CPNE4: variants seen among roughly 807,000 people sequenced by gnomAD.
The protein encoded by CPNE4 is copine-4.
In CPNE4, 25 loss-of-function variants were observed where a neutral mutation model predicts 67.9. The observed-to-expected ratio is 0.37, with a 90% confidence interval of 0.27 to 0.51. CPNE4 has a LOEUF of 0.51. Ranked by LOEUF, CPNE4 falls within the 20% of genes least tolerant of loss-of-function variation. CPNE4 has a pLI of 0.93. For synonymous variants in CPNE4, 242 were observed against 244.9 expected (o/e 0.99, Z 0.11); for missense variants, 464 against 690.8 (o/e 0.67, Z 3.68).
At chr3:131,984,863 C>G (rs1273426514) in intron 1 of CPNE4, among the ~76,000 whole-genome samples, 1 of 152,168 alleles carries the variant, frequency 6.6e-6, no homozygotes, top group Non-Finnish European at 1.5e-5. Flanking sequence ...AGATTAAGCT[C>G]CAATTACTCA....
intron 1 of CPNE4, among the ~76,000 whole-genome samples, chr3:132,010,922 C>T (rs1480379878): frequency 6.6e-6 from 1 of 152,142 alleles, no homozygotes; most frequent in Admixed American, 6.5e-5. Context: ...TCAAAGGCAC[C>T]CCAGTAGGGG....
At chr3:131,921,798 T>C (rs1286364390) in intron 1 of CPNE4, among the ~76,000 whole-genome samples, 1 of 152,126 alleles carries the variant, frequency 6.6e-6, no homozygotes, top group African/African-American at 2.4e-5. Flanking sequence ...AGATACATGA[T>C]GAATCGTCAA....
At chr3:131,895,929 A>G (rs534546253) in intron 2 of CPNE4, among the ~76,000 whole-genome samples, 1 of 152,074 alleles carries the variant, frequency 6.6e-6, no homozygotes, top group Admixed American at 6.6e-5. Flanking sequence ...TGGCTAAAAA[A>G]CTTATCTAAT....
chr3:131,737,483 A>G (rs4854621), intron 2 of CPNE4, among the ~76,000 whole-genome samples: 107,510 of 151,954 alleles, frequency 0.71, 38,811 homozygotes, highest in East Asian at 0.82. Context: ...TAGTGAGTGG[A>G]GTCAAATCTT....
intron 7 of CPNE4, among the ~76,000 whole-genome samples, chr3:131,634,849 T>C (rs1472528110): frequency 1.3e-5 from 2 of 152,194 alleles, no homozygotes; most frequent in African/African-American, 2.4e-5. Flanking sequence ...AATGGGGGGA[T>C]TCAGTGTCTT....
At chr3:131,644,648 A>G (rs2079619933) in intron 7 of CPNE4, among the ~76,000 whole-genome samples, 1 of 152,216 alleles carries the variant, frequency 6.6e-6, no homozygotes, top group Non-Finnish European at 1.5e-5. Flanking sequence ...AAGATCACAG[A>G]ATTAGGAATG....
At chr3:131,802,479 G>T (rs775084693) in intron 2 of CPNE4, among the ~76,000 whole-genome samples, 17 of 152,240 alleles carry the variant, frequency 1.1e-4, no homozygotes, top group South Asian at 6.2e-4. Flanking sequence ...TTGACAAATT[G>T]CCCAGCTGCA....
At chr3:131,709,203 A>T (rs565791865) in intron 3 of CPNE4, among the ~76,000 whole-genome samples, 1 of 151,858 alleles carries the variant, frequency 6.6e-6, no homozygotes, top group East Asian at 1.9e-4. Flanking sequence ...TTTTGCAATG[A>T]GCCTATATTA....
intron 1 of CPNE4, among the ~76,000 whole-genome samples, chr3:131,953,855 T>A (rs2071854435): frequency 6.6e-6 from 1 of 152,214 alleles, no homozygotes; most frequent in Non-Finnish European, 1.5e-5. Context: ...TAATTAACAA[T>A]CATTTCTCAT....
At chr3:131,584,660 T>C (rs574319675) in intron 8 of CPNE4, among the ~76,000 whole-genome samples, 1 of 152,284 alleles carries the variant, frequency 6.6e-6, no homozygotes, top group South Asian at 2.1e-4. Flanking sequence ...ATCATGTCAT[T>C]CTCTAGCTAG....
chr3:131,835,167 G>A (rs886312768), intron 2 of CPNE4, among the ~76,000 whole-genome samples: 4 of 152,158 alleles, frequency 2.6e-5, no homozygotes, highest in Non-Finnish European at 2.9e-5. Flanking sequence ...ATATATTTTT[G>A]TCTCATCTAT....
At chr3:131,944,223 C>CTT (rs57090639) in intron 1 of CPNE4, among the ~76,000 whole-genome samples, 42 of 148,778 alleles carry the variant, frequency 2.8e-4, no homozygotes, top group South Asian at 6.4e-4. Flanking sequence ...TCCTCTCTCT[C>CTT]TTTTTTTTTT....
At chr3:132,031,847 T>C (rs1159038987) in intron 1 of CPNE4, among the ~76,000 whole-genome samples, 2 of 152,288 alleles carry the variant, frequency 1.3e-5, no homozygotes, top group Middle Eastern at 3.4e-3. Flanking sequence ...CAGTATAACC[T>C]CAAGGTTTTA....
intron 1 of CPNE4, among the ~76,000 whole-genome samples, chr3:132,033,286 C>G (rs139020706): frequency 2.8e-4 from 42 of 152,312 alleles, no homozygotes; most frequent in African/African-American, 9.4e-4. Flanking sequence ...CCTGGCAAAG[C>G]AGCAAGAGGA....
intron 2 of CPNE4, among the ~76,000 whole-genome samples, chr3:131,882,664 T>G (rs1407104938): frequency 2.6e-5 from 4 of 152,220 alleles, no homozygotes; most frequent in African/African-American, 9.6e-5. Context: ...ACAATGTAAG[T>G]ACTTTTATTG....
chr3:131,751,525 G>T (rs547294409), intron 2 of CPNE4, among the ~76,000 whole-genome samples: 1 of 128,462 alleles, frequency 7.8e-6, no homozygotes, highest in Non-Finnish European at 1.7e-5. Flanking sequence ...CTTTGCTGAG[G>T]TTTTCATTTT....
chr3:131,888,691 G>T (rs1172722164), intron 2 of CPNE4, among the ~76,000 whole-genome samples: 2 of 152,162 alleles, frequency 1.3e-5, no homozygotes, highest in Non-Finnish European at 2.9e-5. Context: ...GAGATTTCGA[G>T]TCCGTAGATT....
At position 131,871,962 on chromosome 3, in the gene CPNE4, C is replaced by T. The variant is rs975466073; in HGVS notation, c.180+33302G>A. 2.6e-5 allele frequency among the ~76,000 whole-genome samples: 4 copies of T among 152,144 alleles called. 1 individual carries two copies. The highest frequency in any genetic ancestry group is 2.0e-4 in the Admixed American group (3 of 15,270). ...ATTACATTTTCCAAAGATGGCTACA[C>T]CAAGATATATCCTGCCCCACATATC... On this transcript the variant is annotated intron_variant, in intron 2 of 15. Coordinates refer to ENST00000429747, the MANE Select transcript of CPNE4 (RefSeq NM_130808.3).
intron 2 of CPNE4, among the ~76,000 whole-genome samples, chr3:131,755,449 G>T (rs2107804069): frequency 6.6e-6 from 1 of 152,192 alleles, no homozygotes; most frequent in Non-Finnish European, 1.5e-5. Flanking sequence ...AATTAAATTT[G>T]AAAACTGCTA....
Sources: allele counts gnomAD v4.1 joint callset (sites outside exome capture counted in the v4.1 genomes callset), GRCh38; gene constraint gnomAD v4.1.1; transcripts MANE v1.5; gene names NCBI Gene and HGNC (gene_info 2026-07-23, HGNC 2026-07-21).